Variants in LTBR observed in about 807,000 individuals in gnomAD.
The protein encoded by LTBR is tumor necrosis factor receptor superfamily member 3.
In LTBR, 15 loss-of-function variants were observed where a neutral mutation model predicts 45.4. The observed-to-expected ratio is 0.33, with a 90% confidence interval of 0.22 to 0.51. The LOEUF is 0.51. Among genes scored for constraint, LTBR ranks in the 20% least tolerant of loss-of-function variants. The pLI is 0.97. For missense variants in LTBR, 450 were observed against 565.5 expected (o/e 0.80, Z 2.07); for synonymous variants, 228 against 231.0 (o/e 0.99, Z 0.12).
chr12:6,386,540 C>A lies in LTBR; in HGVS notation c.667+96C>A. The A allele has an allele frequency of 1.0e-6, 1 of 967,330 alleles. No homozygotes were observed. Among genetic ancestry groups the A allele is most frequent in the Non-Finnish European group, 1.6e-6 (1 of 630,236 alleles). The allele number at this position is 967,330 out of a possible 1,614,324, so 59.9% of individuals were successfully genotyped here. A position where few individuals can be genotyped will look rare whatever the true frequency, so the allele number is the denominator to read the frequency against. ...AAAATGGGGAAAAGATGAACACTTC[C>A]CTCCCAGAATTGGGCAAGAAGAAAG... is the stretch of plus-strand genomic sequence containing the variant. On this transcript the variant is annotated intron_variant, in intron 6 of 9. Transcript: ENST00000228918. This position sits in a 1 kb window ranked among gnomAD's most constrained non-coding sequence, Gnocchi z 4.1.
upstream of LTBR, chr12:6,375,164 TTCC>T (rs1489067490): frequency 4.8e-6 from 7 of 1,459,872 alleles, no homozygotes; most frequent in African/African-American, 2.8e-5. Flanking sequence ...TTTGGTCTTC[TTCC>T]TCCAGGATCT....
Position 6,386,473 on chromosome 12 carries a change from G to T in LTBR, c.667+29G>T, listed in dbSNP as rs772393139. The T allele has an allele frequency of 1.5e-5, 23 of 1,568,682 alleles. No homozygotes were observed. In the East Asian group the frequency reaches 1.8e-4, roughly 12 times the overall value. On this transcript the variant is annotated intron_variant, in intron 6 of 9. Transcript: ENST00000228918. This position sits in a 1 kb window ranked among gnomAD's most constrained non-coding sequence, Gnocchi z 4.1. ...AGGGACCAGGGCTGAGGGACACGGG[G>T]GGGGCGCCTCTGAAAATGCCTTAAT...
chr12:6,383,527 G>A (rs1949004243), upstream of LTBR, among the ~76,000 whole-genome samples: 1 of 152,116 alleles, frequency 6.6e-6, no homozygotes, highest in Non-Finnish European at 1.5e-5. Flanking sequence ...ACTCCCCTCC[G>A]CATATCCTCC....
At chr12:6,390,585 A>G (rs1949101970) in intron 9 of LTBR, 75 bp from the exon 10 acceptor site, 3 of 1,425,234 alleles carry the variant, frequency 2.1e-6, no homozygotes, top group Non-Finnish European at 9.4e-7. Flanking sequence ...AGGCGAGAAG[A>G]AGGCAAGAAT....
upstream of LTBR, among the ~76,000 whole-genome samples, chr12:6,382,089 C>CA (rs72516400): frequency 3.3e-5 from 2 of 59,730 alleles, no homozygotes; most frequent in East Asian, 4.3e-4. Flanking sequence ...GTGTACCTTA[C>CA]GGTTTCATTG....
intron 1 of LTBR, chr12:6,377,357 G>A (rs138378091): frequency 8.5e-7 from 1 of 1,173,724 alleles, no homozygotes; most frequent in Non-Finnish European, 1.2e-6. Flanking sequence ...GTTTTCTGAG[G>A]TTAGAAAACA....
At chr12:6,376,098 G>C in intron 1 of LTBR, 1 of 988,906 alleles carries the variant, frequency 1.0e-6, no homozygotes, top group Non-Finnish European at 1.2e-6. Flanking sequence ...AGCCCTCCAA[G>C]GGCACCCACA....
At chr12:6,383,881 A>T (rs1949007685), upstream of LTBR, among the ~76,000 whole-genome samples, 1 of 151,076 alleles carries the variant, frequency 6.6e-6, no homozygotes, top group African/African-American at 2.4e-5. Context: ...GCTCTCTGGA[A>T]CTCCCTCTGC....
chr12:6,381,712 C>T (rs979193385), upstream of LTBR, among the ~76,000 whole-genome samples: 7 of 152,322 alleles, frequency 4.6e-5, no homozygotes, highest in East Asian at 3.9e-4. Flanking sequence ...CCGTGGCTCA[C>T]GCCTGTAATC....
chr12:6,375,749 G>A, intron 1 of LTBR: 1 of 1,412,112 alleles, frequency 7.1e-7, no homozygotes, highest in Non-Finnish European at 9.2e-7. Flanking sequence ...GGAGGCTGGG[G>A]GACAGGATGG....
upstream of LTBR, chr12:6,384,091 T>C: frequency 1.6e-6 from 2 of 1,255,472 alleles, no homozygotes; most frequent in South Asian, 3.2e-5. Flanking sequence ...TCCTCTTCCC[T>C]GGGCTGCGAT....
At position 6,388,547 on chromosome 12, in the gene LTBR, C is replaced by T. The variant is rs1415085207; in HGVS notation, c.775+42C>T. 1.9e-6 allele frequency: 3 copies of T among 1,544,332 alleles called. No individual in the cohort carries two copies. Among genetic ancestry groups the T allele is most frequent in the East Asian group, 2.2e-5 (1 of 44,518 alleles). ...TGCAGTGGATGGTTGGCAATGGGAG[C>T]CGGAGGGAGGAATATTCAACTTCCC... On this transcript the variant is annotated intron_variant, in intron 7 of 9. Transcript: ENST00000228918. The surrounding 1 kb of genome is among the most constrained non-coding windows in gnomAD (Gnocchi z 4.3).
rs2136929840 is a variant in LTBR at position 6,386,017 on chromosome 12, C to T, written c.473-49C>T. ...GGAAACTCACAGGCCGGCAAAGGGC[C>T]CCTCCCTTTTGCCCATTCACCCTGG... On this transcript the variant is annotated intron_variant, in intron 4 of 9. Coordinates refer to ENST00000228918, the MANE Select transcript of LTBR (RefSeq NM_002342.3). The surrounding 1 kb of genome is among the most constrained non-coding windows in gnomAD (Gnocchi z 4.1). The T allele has an allele frequency of 7.6e-7, 1 of 1,315,128 alleles. No individual in the cohort carries two copies. Among genetic ancestry groups the T allele is most frequent in the Non-Finnish European group, 1.1e-6 (1 of 908,768 alleles). The allele number at this position is 1,315,128 out of a possible 1,614,324, so 81.5% of individuals were successfully genotyped here.
Position 6,385,307 on chromosome 12 carries a change from G to T in LTBR, c.400G>T (p.Ala134Ser). The change falls in exon 4 of 10, where the codon GCC becomes TCC. Residue 134 changes from alanine (A) to serine (S), a missense_variant. Ala to Ser is a moderately conservative substitution (Grantham distance 99). Coordinates refer to ENST00000228918, the MANE Select transcript of LTBR (RefSeq NM_002342.3). ...CTGCCAGCCGGGAATGTTCTGTGCTGCCTGGGCCCTCGAGTGTACACACTG... is the reference window on the plus strand; with the variant it reads ...CTGCCAGCCGGGAATGTTCTGTGCTTCCTGGGCCCTCGAGTGTACACACTG... ...CRCQPGMFCA[A>S]WALECTHCEL... is the part of the protein sequence containing the mutation. The T allele has an allele frequency of 6.2e-7, 1 of 1,614,156 alleles. No homozygotes were observed. Among genetic ancestry groups the T allele is most frequent in the Non-Finnish European group, 8.5e-7 (1 of 1,180,032 alleles).
chr12:6,376,365 T>C (rs538642556), intron 1 of LTBR, among the ~76,000 whole-genome samples: 1 of 152,242 alleles, frequency 6.6e-6, no homozygotes, highest in African/African-American at 2.4e-5. Flanking sequence ...GCCAGGAATG[T>C]GTAATCGCCC....
rs190312990 is a variant in LTBR, at chr12:6,379,133, G to A, written c.39+3539G>A. Among the ~76,000 whole-genome samples the A allele has an allele frequency of 3.0e-4, 45 of 152,242 alleles. No homozygotes were observed. The East Asian group carries it at 8.1e-3, about 27-fold the overall frequency. ...TTTACTATTATCCTGATGTATGTGT[G>A]TTTGTACGTATACATCCGTTTGGGG... On this transcript the variant is annotated intron_variant, in intron 1 of 9. Transcript: ENST00000539925.
Position 6,390,939 on chromosome 12 carries a change from T to A in LTBR, c.*2T>A, listed in dbSNP as rs12354. 369 of 1,526,650 alleles carry A rather than the reference T, an allele frequency of 2.4e-4. 1 individual carries two copies. Among genetic ancestry groups the A allele is most frequent in the Non-Finnish European group, 3.1e-4 (348 of 1,135,032 alleles). 94.6% of individuals were successfully genotyped at this position (1,526,650 alleles called of 1,614,324 possible). On this transcript the variant is annotated 3_prime_UTR_variant, in exon 10 of 10. Coordinates refer to ENST00000228918, the MANE Select transcript of LTBR (RefSeq NM_002342.3). ...AACCAATTTATCACCCATGACTGAC[T>A]GAGTCTGAGAAAAGGCAGAAGAAGG... is the stretch of plus-strand genomic sequence containing the variant.
At chr12:6,379,302 A>G (rs564644011), upstream of LTBR, among the ~76,000 whole-genome samples, 244 of 152,272 alleles carry the variant, frequency 1.6e-3, no homozygotes, top group African/African-American at 5.6e-3. Flanking sequence ...ACAGAGCGGG[A>G]TATGCTACGA....
rs41489647 is a variant in LTBR, at chr12:6,385,291, G to A, written c.384G>A (p.Pro128=). The part of the protein sequence containing the change: ...SKRKTQCRCQ[P]GMFCAAWALE... ...GGAAGACCCAGTGCCGCTGCCAGCC[G>A]GGAATGTTCTGTGCTGCCTGGGCCC... The change falls in exon 4 of 10, where the codon CCG becomes CCA. Residue 128 remains proline (P), a synonymous_variant. Transcript: ENST00000228918. 1,115 of 1,614,082 alleles carry A rather than the reference G, an allele frequency of 6.9e-4. 7 individuals carry two copies. In the African/African-American group the frequency reaches 0.013, roughly 18 times the overall value.
Sources: allele counts gnomAD v4.1 joint callset (sites outside exome capture counted in the v4.1 genomes callset), GRCh38; gene constraint gnomAD v4.1.1; non-coding constraint Gnocchi (gnomAD v3.1); transcripts MANE v1.5; gene names NCBI Gene and HGNC (gene_info 2026-07-23, HGNC 2026-07-21).